The following SOS2 variants were observed in gnomAD, a reference collection of about 807,000 sequenced individuals.
SOS2 encodes SOS Ras/Rho guanine nucleotide exchange factor 2.
Under a neutral mutation model 148.2 loss-of-function variants are expected in SOS2, and 65 were observed. That is an observed-to-expected ratio of 0.44 (90% CI 0.36 to 0.54). SOS2 has a LOEUF of 0.54. SOS2 is among the 20% of genes least tolerant of loss of function. SOS2 has a pLI of 0.00. For missense variants in SOS2, 1,341 were observed against 1,590.2 expected (o/e 0.84, Z 2.67); for synonymous variants, 539 against 537.1 (o/e 1.00, Z -0.05).
At position 50,174,825 on chromosome 14, in the gene SOS2, A is replaced by G. The variant is rs74542194; in HGVS notation, c.970-273T>C. On this transcript the variant is annotated intron_variant, in intron 7 of 22. Transcript: ENST00000216373. ...CTCTACAGCTTATGTTCTGGCTTCC[A>G]TATACCCTAAAGGAATTCTGAAAAG... 3.1e-3 allele frequency among the ~76,000 whole-genome samples: 468 copies of G among 152,320 alleles called. 15 individuals are homozygous for G. In the East Asian group the frequency reaches 0.059, roughly 19 times the overall value.
At chr14:50,178,705 T>TACACACAC (rs1885619717) in intron 7 of SOS2, among the ~76,000 whole-genome samples, 1 of 129,380 alleles carries the variant, frequency 7.7e-6, no homozygotes, top group South Asian at 2.4e-4. Flanking sequence ...TATATATATA[T>TACACACAC]ATATATACAC....
At chr14:50,218,191 T>C (rs1422190934) in intron 1 of SOS2, among the ~76,000 whole-genome samples, 7 of 102,344 alleles carry the variant, frequency 6.8e-5, no homozygotes, top group African/African-American at 1.1e-4. Flanking sequence ...ATTAAGAGAA[T>C]GGTATATAAT....
At chr14:50,184,862 T>C (rs1352141753) in intron 5 of SOS2, among the ~76,000 whole-genome samples, 17 of 57,174 alleles carry the variant, frequency 3.0e-4, no homozygotes, top group South Asian at 6.3e-4. Flanking sequence ...AGACCCTGTC[T>C]CCAAAAAAAA....
At chr14:50,178,707 TATATAC>T (rs1566839709) in intron 7 of SOS2, among the ~76,000 whole-genome samples, 14 of 130,654 alleles carry the variant, frequency 1.1e-4, no homozygotes, top group African/African-American at 3.9e-4. Flanking sequence ...TATATATATA[TATATAC>T]ACACATATAC....
chr14:50,133,762 G>A (rs7161541), intron 19 of SOS2, among the ~76,000 whole-genome samples: 132,260 of 152,192 alleles, frequency 0.87, 57,563 homozygotes, highest in East Asian at 0.92. Flanking sequence ...GAGCCCTAAT[G>A]GCAGAAGTCA....
chr14:50,135,488 C>A (rs1325678056), intron 18 of SOS2, among the ~76,000 whole-genome samples: 1 of 150,550 alleles, frequency 6.6e-6, no homozygotes, highest in Admixed American at 6.6e-5. Flanking sequence ...AGACTATCTT[C>A]CAATGATTTT....
chr14:50,205,041 C>T (rs1222588928), intron 1 of SOS2, among the ~76,000 whole-genome samples: 1 of 151,910 alleles, frequency 6.6e-6, no homozygotes, highest in African/African-American at 2.4e-5. Context: ...AGTAGGTGTC[C>T]TATAAATATT....
At position 50,159,461 on chromosome 14, in the gene SOS2, T is replaced by G; in HGVS notation, c.1822A>C (p.Ile608Leu). The G allele has an allele frequency of 6.2e-7, 1 of 1,611,822 alleles. No homozygotes were observed. ...TACATATGATATGTTAACCTTTCAA[T>G]TAATTTCACTACAGTTCCTCCTTTA... Reference protein sequence around the residue: ...IIKGGTVVKLIERLTYHMYAD... With the variant: ...IIKGGTVVKLLERLTYHMYAD... Residue 608 changes from isoleucine to leucine, a missense_variant, in exon 10 of 23, where the codon ATT (isoleucine) becomes CTT (leucine). Ile to Leu is a conservative substitution (Grantham distance 5, BLOSUM62 2). This residue lies in a region of SOS2 where 5 missense variants were observed against 24.7 expected (regional missense o/e 0.20). Transcript: ENST00000216373.
chr14:50,151,428 CTAGT>C (rs573140082), intron 13 of SOS2, among the ~76,000 whole-genome samples: 142 of 152,270 alleles, frequency 9.3e-4, no homozygotes, highest in Admixed American at 2.9e-3. Flanking sequence ...CATATAATGT[CTAGT>C]TAACTTTTTG....
At chr14:50,135,334 T>G (rs1276510786) in intron 18 of SOS2, among the ~76,000 whole-genome samples, 1 of 151,306 alleles carries the variant, frequency 6.6e-6, no homozygotes, top group African/African-American at 2.4e-5. Flanking sequence ...AAAATTTTTG[T>G]CTTTATCAAA....
chr14:50,129,117 A>T (rs1295212314), intron 21 of SOS2, among the ~76,000 whole-genome samples: 2 of 152,210 alleles, frequency 1.3e-5, no homozygotes, highest in South Asian at 4.1e-4. Flanking sequence ...CCACAGAAAG[A>T]AAGTTTACAG....
At chr14:50,143,068 A>AT (rs751310954) in intron 16 of SOS2, among the ~76,000 whole-genome samples, 48 of 152,342 alleles carry the variant, frequency 3.2e-4, no homozygotes, top group African/African-American at 1.1e-3. Flanking sequence ...AGCATTATAC[A>AT]TTTTTTAAAT....
intron 5 of SOS2, among the ~76,000 whole-genome samples, chr14:50,184,072 T>C (rs548254723): frequency 1.3e-5 from 2 of 152,298 alleles, no homozygotes; most frequent in South Asian, 4.1e-4. Context: ...CATATCTATA[T>C]AGAGAAAAGG....
chr14:50,147,348 AT>A (rs1426444463), intron 14 of SOS2, among the ~76,000 whole-genome samples: 4 of 151,836 alleles, frequency 2.6e-5, no homozygotes, highest in Admixed American at 1.3e-4. Flanking sequence ...TCTCTATGAA[AT>A]TTTTTTAAAA....
In SOS2 at chr14:50,194,037, G is replaced by A. The variant is rs140834288; in HGVS notation, c.511-5337C>T. ...TAGGATTACAGGTGTGAGCCACCAC[G>A]CCCGGCCAAGTCATCTGGATTTTAG... On this transcript the variant is annotated intron_variant, in intron 4 of 22. Coordinates refer to ENST00000216373, the MANE Select transcript of SOS2 (RefSeq NM_006939.4). Among the ~76,000 whole-genome samples, 1,391 of 152,250 alleles carry A rather than the reference G, an allele frequency of 9.1e-3. 8 individuals are homozygous for A. Among genetic ancestry groups the A allele is most frequent in the Non-Finnish European group, 9.9e-3 (673 of 68,016 alleles).
intron 11 of SOS2, among the ~76,000 whole-genome samples, chr14:50,158,119 G>A (rs887269587): frequency 1.3e-5 from 2 of 151,998 alleles, no homozygotes; most frequent in Non-Finnish European, 2.9e-5. Flanking sequence ...GAAGGTGGTT[G>A]ATGAATAAAT....
intron 21 of SOS2, among the ~76,000 whole-genome samples, chr14:50,128,674 A>ATTC (rs1566818351): frequency 6.6e-6 from 1 of 152,238 alleles, no homozygotes; most frequent in Non-Finnish European, 1.5e-5. Flanking sequence ...GGAGAACAAG[A>ATTC]AAAGGAGTGG....
intron 1 of SOS2, among the ~76,000 whole-genome samples, chr14:50,220,420 A>AAAAAAAAAAAAAAAAAAAAAAAC (rs1887170648): frequency 1.3e-5 from 2 of 149,060 alleles, no homozygotes; most frequent in African/African-American, 2.5e-5. Flanking sequence ...AAAAAAAAAA[A>AAAAAAAAAAAAAAAAAAAAAAAC]AAGAACAGAC....
chr14:50,121,938 C>T (rs183419655), intron 21 of SOS2, among the ~76,000 whole-genome samples: 18 of 152,204 alleles, frequency 1.2e-4, no homozygotes, highest in Admixed American at 3.9e-4. Flanking sequence ...CCCAGGACAC[C>T]CCAATTCAAG....
Sources: allele counts gnomAD v4.1 joint callset (sites outside exome capture counted in the v4.1 genomes callset), GRCh38; gene constraint gnomAD v4.1.1; regional missense constraint gnomAD v4.1.1; transcripts MANE v1.5; gene names NCBI Gene and HGNC (gene_info 2026-07-23, HGNC 2026-07-21).